ABCC8: variants seen among roughly 807,000 people sequenced by gnomAD.
The protein encoded by ABCC8 is ATP-binding cassette sub-family C member 8.
In ABCC8, 137 loss-of-function variants were observed where a neutral mutation model predicts 188.0. That is an observed-to-expected ratio of 0.73 (90% CI 0.63 to 0.84). ABCC8 has a LOEUF of 0.84. Ranked by LOEUF, ABCC8 falls within the 40% of genes least tolerant of loss-of-function variation. The pLI is 0.00. For synonymous variants in ABCC8, 797 were observed against 846.5 expected, an observed-to-expected ratio of 0.94 and a Z score of 1.01; for missense variants, 1,750 against 2,072.7, an observed-to-expected ratio of 0.84 and a Z score of 3.02.
In ABCC8 at chr11:17,453,198, A is replaced by C; in HGVS notation, c.1097T>G (p.Leu366Arg). The stretch of plus-strand genomic sequence containing the variant: ...TTGCAGAAATGTCCTTTGCAGTAGG[A>C]GGGCAAGGAACAGAAGCACAGCTAA... ...YVLAVLLFLA[L>R]LLQRTFLQAS... is the part of the protein sequence containing the mutation. The change falls in exon 7 of 39, where the codon CTC becomes CGC. Residue 366 changes from leucine (L) to arginine (R), a missense_variant. Transcript: ENST00000389817. 1 of 1,614,150 alleles carries C rather than the reference A, an allele frequency of 6.2e-7. No homozygotes were observed. Among genetic ancestry groups the C allele is most frequent in the East Asian group, 2.2e-5 (1 of 44,882 alleles).
At chr11:17,402,186 G>T (rs117948565) in intron 29 of ABCC8, among the ~76,000 whole-genome samples, 2,977 of 152,270 alleles carry the variant, frequency 0.02, 44 homozygotes, top group Non-Finnish European at 0.03. Context: ...ACACAGAGAG[G>T]TTATAGAACG....
At chr11:17,421,688 G>T (rs973058714) in intron 16 of ABCC8, among the ~76,000 whole-genome samples, 1 of 152,146 alleles carries the variant, frequency 6.6e-6, no homozygotes. Context: ...CAATCTCATG[G>T]GTAATAAGGG....
chr11:17,468,476 C>G lies in ABCC8; in HGVS notation c.412+1625G>C, dbSNP rs182775023. Among the ~76,000 whole-genome samples, 338 of 152,268 alleles carry G rather than the reference C, an allele frequency of 2.2e-3. 1 individual carries two copies. Among genetic ancestry groups the G allele is most frequent in the Non-Finnish European group, 3.6e-3 (247 of 68,006 alleles). ...TACCCCAAGGACGAAGTCTGAGGGC[C>G]CTTAGACACGCAGTCTCAGAAATGA... On this transcript the variant is annotated intron_variant, in intron 3 of 38. Coordinates refer to ENST00000389817, the MANE Select transcript of ABCC8 (RefSeq NM_000352.6).
intron 29 of ABCC8, chr11:17,399,114 C>T (rs1263950066): frequency 6.5e-6 from 1 of 153,810 alleles, no homozygotes; most frequent in Non-Finnish European, 1.4e-5. Context: ...ACTAATAATA[C>T]AAAAATTAGT....
intron 22 of ABCC8, 119 bp from the exon 23 acceptor site, chr11:17,408,636 C>G (rs1954654653): frequency 1.4e-6 from 2 of 1,464,960 alleles, no homozygotes; most frequent in African/African-American, 2.8e-5. Flanking sequence ...TACAAATGGC[C>G]ACCAGCTCAT....
chr11:17,418,818 G>GC (rs564844698), intron 16 of ABCC8, among the ~76,000 whole-genome samples: 49 of 152,246 alleles, frequency 3.2e-4, no homozygotes, highest in African/African-American at 1.1e-3. Flanking sequence ...ATCTTTTTCA[G>GC]CCCCCATGGT....
In ABCC8 at chr11:17,410,684, G is replaced by A. The variant is rs767036261; in HGVS notation, c.2557-31C>T. ...CAGAAGGGAGAGGAAGAGAGTAGAGGGTAGGGAAAGGCATGGTGGGGAGGG... is the reference window on the plus strand; with the variant it reads ...CAGAAGGGAGAGGAAGAGAGTAGAGAGTAGGGAAAGGCATGGTGGGGAGGG... On this transcript the variant is annotated intron_variant, in intron 21 of 38. Coordinates refer to ENST00000389817, the MANE Select transcript of ABCC8 (RefSeq NM_000352.6). 1.9e-6 allele frequency: 3 copies of A among 1,613,686 alleles called. No homozygotes were observed. In the Admixed American group the frequency reaches 5.0e-5, roughly 27 times the overall value.
At chr11:17,446,501 A>G (rs1956537047) in intron 8 of ABCC8, among the ~76,000 whole-genome samples, 1 of 151,472 alleles carries the variant, frequency 6.6e-6, no homozygotes, top group Non-Finnish European at 1.5e-5. Context: ...CTGGACTCGA[A>G]CTCTTGGGCT....
chr11:17,470,089 C>T lies in ABCC8; in HGVS notation c.412+12G>A, dbSNP rs761292493. ...ATGAAGGTACTGCCCCTCCCTCCTA[C>T]ACCTCACCTACCAATTAGCAGCTTG... On this transcript the variant is annotated intron_variant, in intron 3 of 38. Coordinates refer to ENST00000389817, the MANE Select transcript of ABCC8 (RefSeq NM_000352.6). The T allele has an allele frequency of 3.1e-6, 5 of 1,614,124 alleles. No homozygotes were observed. Among genetic ancestry groups the T allele is most frequent in the South Asian group, 1.1e-5 (1 of 91,070 alleles).
At position 17,427,753 on chromosome 11, in the gene ABCC8, C is replaced by A. The variant is rs374340996; in HGVS notation, c.2116+114G>T. 2 of 1,389,920 alleles carry A rather than the reference C, an allele frequency of 1.4e-6. No homozygotes were observed. The highest frequency in any genetic ancestry group is 2.0e-6 in the Non-Finnish European group (2 of 1,015,040). The allele number at this position is 1,389,920 out of a possible 1,614,324, so 86.1% of individuals were successfully genotyped here. ...CCTTCTATAATATACCCAGGGCATA[C>A]ACCAAGAATGAGCAGAGAGTAGGTG... On this transcript the variant is annotated intron_variant, in intron 15 of 38. Coordinates refer to ENST00000389817, the MANE Select transcript of ABCC8 (RefSeq NM_000352.6). This position sits in a 1 kb window ranked among gnomAD's most constrained non-coding sequence, Gnocchi z 5.0.
At chr11:17,446,929 A>G (rs547265851) in intron 8 of ABCC8, among the ~76,000 whole-genome samples, 1 of 152,304 alleles carries the variant, frequency 6.6e-6, no homozygotes, top group Admixed American at 6.5e-5. Flanking sequence ...TGGATTGGTA[A>G]CACCTCACTC....
At chr11:17,409,203 C>T (rs1181283185) in intron 22 of ABCC8, among the ~76,000 whole-genome samples, 1 of 152,024 alleles carries the variant, frequency 6.6e-6, no homozygotes, top group African/African-American at 2.4e-5. Flanking sequence ...GCAATCCACC[C>T]GCCTTGGCCT....
chr11:17,475,213 C>A, intron 1 of ABCC8, 186 bp from the exon 2 acceptor site: 1 of 330,008 alleles, frequency 3.0e-6, no homozygotes, highest in Non-Finnish European at 4.3e-6. Flanking sequence ...ATGCTGGTAC[C>A]TCCCCCACCA....
chr11:17,394,421 G>A, intron 36 of ABCC8, 22 bp from the exon 37 acceptor site: 1 of 1,614,134 alleles, frequency 6.2e-7, no homozygotes, highest in Non-Finnish European at 8.5e-7. Context: ...CCGGGGAGAT[G>A]AAGTAGGACT....
intron 20 of ABCC8, 195 bp from the exon 21 acceptor site, chr11:17,412,941 G>C (rs1400844954): frequency 4.0e-6 from 5 of 1,248,096 alleles, no homozygotes; most frequent in East Asian, 5.1e-5. Context: ...TGAGCCCCAA[G>C]TCTTTAAAGA....
Position 17,461,568 on chromosome 11 carries a change from T to C in ABCC8, c.822+15A>G, listed in dbSNP as rs889230134. The stretch of plus-strand genomic sequence containing the variant: ...GAAGGCAGTGAATAGATGGTGTGGC[T>C]GTGCCCCCACTGACCACCTGGGCGT... On this transcript the variant is annotated intron_variant, in intron 5 of 38. Coordinates refer to ENST00000389817, the MANE Select transcript of ABCC8 (RefSeq NM_000352.6). The C allele has an allele frequency of 4.9e-5, 79 of 1,614,216 alleles. No individual in the cohort carries two copies. The highest frequency in any genetic ancestry group is 6.7e-5 in the Non-Finnish European group (79 of 1,180,038).
intron 3 of ABCC8, among the ~76,000 whole-genome samples, chr11:17,467,133 T>C (rs1848213424): frequency 6.7e-6 from 1 of 149,654 alleles, no homozygotes. Flanking sequence ...TGGTATGACC[T>C]TCCAGGTGGG....
chr11:17,436,795 T>G (rs1450822077), intron 10 of ABCC8, among the ~76,000 whole-genome samples: 2 of 152,114 alleles, frequency 1.3e-5, no homozygotes, highest in Non-Finnish European at 2.9e-5. Flanking sequence ...CCCTTAAGAC[T>G]TATCCATTCA....
At chr11:17,395,959 T>G (rs1415317586) in intron 33 of ABCC8, 29 bp from the exon 34 acceptor site, 1 of 1,555,900 alleles carries the variant, frequency 6.4e-7, no homozygotes. Context: ...GCACCGCCAC[T>G]GGGACTCTGG....
Sources: gnomAD v4.1 joint callset for allele counts (sites outside exome capture counted in the v4.1 genomes callset) on GRCh38, gnomAD v4.1.1 for gene constraint, Gnocchi (gnomAD v3.1) non-coding constraint, MANE v1.5 for transcripts, NCBI Gene and HGNC (gene_info 2026-07-23, HGNC 2026-07-21) for gene names.